The following NEK1 variants were observed in gnomAD, a reference collection of about 807,000 sequenced individuals.
NEK1 encodes the protein serine/threonine-protein kinase Nek1.
NEK1 carries 137 observed loss-of-function variants against 182.1 expected under a neutral mutation model. The observed-to-expected ratio is 0.75, with a 90% confidence interval of 0.65 to 0.87. NEK1 has a LOEUF of 0.87. Ranked by LOEUF, NEK1 falls within the 40% of genes least tolerant of loss-of-function variation. The pLI is 0.00. For missense variants in NEK1, 1,391 were observed against 1,494.4 expected, an observed-to-expected ratio of 0.93 and a Z score of 1.14; for synonymous variants, 513 against 492.2, an observed-to-expected ratio of 1.04 and a Z score of -0.56.
At chr4:169,573,913 C>T (rs886614677) in intron 12 of NEK1, among the ~76,000 whole-genome samples, 1 of 152,152 alleles carries the variant, frequency 6.6e-6, no homozygotes, top group African/African-American at 2.4e-5. Context: ...AATCCCAGCA[C>T]TTTTTGGGCA....
chr4:169,400,191 C>A, intron 35 of NEK1, 34 bp downstream of exon 35: 3 of 1,554,064 alleles, frequency 1.9e-6, no homozygotes, highest in Non-Finnish European at 1.7e-6. Context: ...CTCACATTTA[C>A]TGAAAATTAT....
At chr4:169,410,893 T>C (rs1469946245) in intron 31 of NEK1, among the ~76,000 whole-genome samples, 1 of 152,208 alleles carries the variant, frequency 6.6e-6, no homozygotes. Context: ...TCCCCTAAAG[T>C]GAAGAAACAC....
chr4:169,559,443 T>C (rs1434940337), intron 16 of NEK1, among the ~76,000 whole-genome samples: 1 of 152,216 alleles, frequency 6.6e-6, no homozygotes, highest in South Asian at 2.1e-4. Context: ...CTAAAAACAC[T>C]GTATAATCTA....
Position 169,458,827 on chromosome 4 carries a change from C to CA in NEK1, c.2587+4415dup, listed in dbSNP as rs201340623. 4.3e-3 allele frequency among the ~76,000 whole-genome samples: 390 copies of CA among 90,260 alleles called. 1 individual carries two copies. Among genetic ancestry groups the CA allele is most frequent in the East Asian group, 0.014 (41 of 2,854 alleles). The allele number at this position is 90,260 out of a possible 152,430, so 59.2% of individuals were successfully genotyped here. A position where few individuals can be genotyped will look rare whatever the true frequency, so the allele number is the denominator to read the frequency against. On this transcript the variant is annotated intron_variant, in intron 27 of 35. Transcript: ENST00000507142. Reference sequence around the variant, plus strand: ...TGGGCAACACAGTGAGACCCCATCTCAAAAAAAAAAAAAAAAAGACAATGT... The same window carrying CA: ...TGGGCAACACAGTGAGACCCCATCTCAAAAAAAAAAAAAAAAAAGACAATGT...
chr4:169,401,628 A>G (rs757471993), intron 33 of NEK1, 24 bp downstream of exon 33: 2 of 1,590,928 alleles, frequency 1.3e-6, no homozygotes, highest in East Asian at 2.2e-5. Flanking sequence ...AAAAAGAAAA[A>G]GGTCCAAAAC....
At chr4:169,464,667 A>G (rs1339126542) in intron 26 of NEK1, among the ~76,000 whole-genome samples, 1 of 152,146 alleles carries the variant, frequency 6.6e-6, no homozygotes, top group Admixed American at 6.6e-5. Context: ...AAAAACTAAG[A>G]TAAGTAAATA....
intron 29 of NEK1, among the ~76,000 whole-genome samples, chr4:169,429,426 T>C (rs1282005471): frequency 6.6e-6 from 1 of 152,176 alleles, no homozygotes. Flanking sequence ...AACTGTCAAA[T>C]GGATCTCTAA....
chr4:169,555,856 A>G lies in NEK1; in HGVS notation c.1431-5T>C. On this transcript the variant is annotated splice_region_variant and splice_polypyrimidine_tract_variant and intron_variant, in intron 17 of 35. Coordinates refer to ENST00000507142, the MANE Select transcript of NEK1 (RefSeq NM_001199397.3). ...CGAACTCCAGGCAGAATTCCTCTGT[A>G]GATAAATATGCACAGTGACTTTCAT... 1 of 1,613,980 alleles carries G rather than the reference A, an allele frequency of 6.2e-7. No homozygotes were observed. Among genetic ancestry groups the G allele is most frequent in the Non-Finnish European group, 8.5e-7 (1 of 1,179,838 alleles).
chr4:169,434,100 T>G (rs1226136299), intron 28 of NEK1, among the ~76,000 whole-genome samples: 1 of 148,394 alleles, frequency 6.7e-6, no homozygotes, highest in South Asian at 2.1e-4. Context: ...AAAATCTATC[T>G]TTTAATAGTC....
chr4:169,569,782 G>C (rs952963217), intron 12 of NEK1, among the ~76,000 whole-genome samples: 1 of 152,132 alleles, frequency 6.6e-6, no homozygotes, highest in Non-Finnish European at 1.5e-5. Context: ...ACGGAGTCTC[G>C]TTCACTCAGT....
chr4:169,542,517 A>G (rs1368696068), intron 18 of NEK1, among the ~76,000 whole-genome samples: 1 of 152,214 alleles, frequency 6.6e-6, no homozygotes, highest in South Asian at 2.1e-4. Flanking sequence ...GTATATACCC[A>G]GTAATGGGAT....
intron 35 of NEK1, among the ~76,000 whole-genome samples, chr4:169,396,949 G>A (rs1344832167): frequency 6.6e-6 from 1 of 152,148 alleles, no homozygotes; most frequent in African/African-American, 2.4e-5. Flanking sequence ...AAGACAGGTA[G>A]GCTGGGTGCG....
At chr4:169,435,418 T>C (rs1738225584) in intron 28 of NEK1, among the ~76,000 whole-genome samples, 1 of 152,214 alleles carries the variant, frequency 6.6e-6, no homozygotes, top group South Asian at 2.1e-4. Flanking sequence ...TTTCGTTCCA[T>C]AATGATACTA....
chr4:169,575,083 C>T (rs1273875309), intron 12 of NEK1, among the ~76,000 whole-genome samples: 2 of 152,148 alleles, frequency 1.3e-5, no homozygotes, highest in Non-Finnish European at 2.9e-5. Context: ...TGACCAGAGT[C>T]TTACAGCAAT....
intron 5 of NEK1, among the ~76,000 whole-genome samples, chr4:169,596,038 C>T (rs553444568): frequency 6.6e-6 from 1 of 151,798 alleles, no homozygotes; most frequent in Non-Finnish European, 1.5e-5. Context: ...ATGGTAAAGT[C>T]ACTTTCTAGC....
chr4:169,574,392 G>A (rs1248088059), intron 12 of NEK1, among the ~76,000 whole-genome samples: 2 of 152,030 alleles, frequency 1.3e-5, no homozygotes, highest in South Asian at 4.2e-4. Flanking sequence ...TCAGGAGATC[G>A]AGACCATCCT....
chr4:169,505,771 T>C (rs1753150402), intron 23 of NEK1, among the ~76,000 whole-genome samples: 1 of 152,090 alleles, frequency 6.6e-6, no homozygotes, highest in Non-Finnish European at 1.5e-5. Flanking sequence ...AACTTAAAAT[T>C]GGCAGAACAG....
At chr4:169,556,641 A>T (rs1402592729) in intron 16 of NEK1, among the ~76,000 whole-genome samples, 2 of 152,242 alleles carry the variant, frequency 1.3e-5, no homozygotes, top group African/African-American at 4.8e-5. Flanking sequence ...AAGTTGGGAA[A>T]AATAGCACAA....
At chr4:169,507,154 A>C in intron 22 of NEK1, 22 bp from the exon 23 acceptor site, 2 of 1,510,866 alleles carry the variant, frequency 1.3e-6, no homozygotes, top group Non-Finnish European at 1.8e-6. Flanking sequence ...AACAATTAAC[A>C]AAATGAGTTA....
Sources: gnomAD v4.1 joint callset for allele counts (sites outside exome capture counted in the v4.1 genomes callset) on GRCh38, gnomAD v4.1.1 for gene constraint, MANE v1.5 for transcripts, NCBI Gene and HGNC (gene_info 2026-07-23, HGNC 2026-07-21) for gene names.